Variants in THSD7A observed in about 807,000 individuals in gnomAD.
THSD7A encodes the protein thrombospondin type-1 domain-containing protein 7A.
Under a neutral mutation model 231.3 loss-of-function variants are expected in THSD7A, and 96 were observed. The ratio of observed to expected loss-of-function variants is 0.41; its 90% CI spans 0.35 to 0.49. The LOEUF (loss-of-function observed/expected upper bound fraction) is 0.49. THSD7A is among the 20% of genes least tolerant of loss of function. The probability of loss-of-function intolerance (pLI) is 0.05; values close to 1 mark genes in which losing one functional copy is unlikely to be tolerated. For synonymous variants in THSD7A, 940 were observed against 743.3 expected (o/e 1.26, Z -4.30); for missense variants, 2,290 against 2,070.2 (o/e 1.11, Z -2.06).
intron 4 of THSD7A, among the ~76,000 whole-genome samples, chr7:11,585,144 T>C (rs899568788): frequency 2.6e-5 from 4 of 152,188 alleles, no homozygotes; most frequent in Non-Finnish European, 5.9e-5. Flanking sequence ...GTCTCATCAG[T>C]AAGCTGTTTC....
In THSD7A at chr7:11,740,833, T is replaced by C. The variant is rs530383033; in HGVS notation, c.190+90924A>G. 3.9e-5 allele frequency among the ~76,000 whole-genome samples: 6 copies of C among 152,174 alleles called. No individual in the cohort carries two copies. The South Asian group carries it at 1.0e-3, about 26-fold the overall frequency. The stretch of plus-strand genomic sequence containing the variant: ...CCTAGAACACAAACTACATCACTTC[T>C]GGAAATTTACTTGTCTTGTTCCATA... On this transcript the variant is annotated intron_variant, in intron 1 of 27. Coordinates refer to ENST00000423059, the MANE Select transcript of THSD7A (RefSeq NM_015204.3).
intron 2 of THSD7A, among the ~76,000 whole-genome samples, chr7:11,611,542 A>C (rs1331141927): frequency 2.0e-5 from 3 of 151,888 alleles, no homozygotes; most frequent in Non-Finnish European, 4.4e-5. Flanking sequence ...TATTAATAAT[A>C]CCTATCATCA....
intron 4 of THSD7A, among the ~76,000 whole-genome samples, chr7:11,550,574 T>A (rs994110364): frequency 6.6e-6 from 1 of 152,174 alleles, no homozygotes; most frequent in African/African-American, 2.4e-5. Context: ...CCTGCCATCT[T>A]GTGAAGAAGG....
intron 6 of THSD7A, 125 bp from the exon 7 acceptor site, chr7:11,482,107 C>T: frequency 9.5e-7 from 1 of 1,051,568 alleles, no homozygotes; most frequent in Non-Finnish European, 1.3e-6. Flanking sequence ...AAAAACGTAG[C>T]CAAAAGAGGG....
chr7:11,469,678 G>T (rs775613990), intron 9 of THSD7A, among the ~76,000 whole-genome samples: 2 of 152,048 alleles, frequency 1.3e-5, no homozygotes, highest in Admixed American at 1.3e-4. Context: ...TTCAAGCCAG[G>T]TTTTGGCATA....
chr7:11,520,901 A>G (rs887295020), intron 6 of THSD7A, among the ~76,000 whole-genome samples: 2 of 152,184 alleles, frequency 1.3e-5, no homozygotes, highest in African/African-American at 2.4e-5. Context: ...AGGTGGTGAA[A>G]TCAATTTTAG....
chr7:11,674,012 C>G (rs189481264), intron 1 of THSD7A, among the ~76,000 whole-genome samples: 1 of 151,874 alleles, frequency 6.6e-6, no homozygotes, highest in Admixed American at 6.6e-5. Flanking sequence ...ATCACCAGAC[C>G]ACCTGCAGAC....
chr7:11,395,932 TAACA>T (rs200962090), intron 23 of THSD7A, among the ~76,000 whole-genome samples: 3,868 of 152,200 alleles, frequency 0.025, 156 homozygotes, highest in African/African-American at 0.083. Context: ...ACAGAAATCA[TAACA>T]AACAGTCTCT....
At chr7:11,755,647 G>A (rs1782649034) in intron 1 of THSD7A, among the ~76,000 whole-genome samples, 1 of 152,054 alleles carries the variant, frequency 6.6e-6, no homozygotes, top group Non-Finnish European at 1.5e-5. Flanking sequence ...GACCAAAAAT[G>A]CCAGCTGGAA....
intron 4 of THSD7A, among the ~76,000 whole-genome samples, chr7:11,567,417 C>T (rs1245615149): frequency 6.6e-6 from 1 of 152,156 alleles, no homozygotes; most frequent in Non-Finnish European, 1.5e-5. Context: ...TGGTTTCTTC[C>T]TTCATATATG....
intron 1 of THSD7A, among the ~76,000 whole-genome samples, chr7:11,798,771 C>G (rs1784197517): frequency 6.6e-6 from 1 of 152,012 alleles, no homozygotes; most frequent in Admixed American, 6.6e-5. Context: ...TGACACCATG[C>G]AGATATATTA....
intron 1 of THSD7A, among the ~76,000 whole-genome samples, chr7:11,801,759 C>T (rs1241583308): frequency 2.6e-5 from 4 of 152,032 alleles, no homozygotes; most frequent in Non-Finnish European, 5.9e-5. Flanking sequence ...ATCTGTATGT[C>T]GTAATCATGT....
intron 1 of THSD7A, among the ~76,000 whole-genome samples, chr7:11,816,980 G>C (rs1325922685): frequency 1.3e-5 from 2 of 152,120 alleles, no homozygotes; most frequent in Admixed American, 6.6e-5. Flanking sequence ...TTGTGATTCT[G>C]TCAGAAGTTT....
intron 6 of THSD7A, among the ~76,000 whole-genome samples, chr7:11,521,837 G>A (rs1331160299): frequency 6.6e-6 from 1 of 151,898 alleles, no homozygotes; most frequent in African/African-American, 2.4e-5. Flanking sequence ...TACCCTTTCT[G>A]ATAGTGCCTT....
chr7:11,407,433 C>G lies in THSD7A; in HGVS notation c.3799-10G>C. On this transcript the variant is annotated splice_polypyrimidine_tract_variant and intron_variant, in intron 19 of 27. Transcript: ENST00000423059. ...TCTTCTCCAAGCCAAGCTGGAAGAA[C>G]AGAGGTAGATCAGGATGTATATTGT... 6.2e-7 allele frequency: 1 copy of G among 1,600,986 alleles called. No individual in the cohort carries two copies.
chr7:11,380,400 A>G (rs1782463866), intron 24 of THSD7A, among the ~76,000 whole-genome samples: 1 of 152,134 alleles, frequency 6.6e-6, no homozygotes, highest in Non-Finnish European at 1.5e-5. Context: ...ACGTGAAGGA[A>G]GCTCCTATTT....
At chr7:11,498,944 C>T (rs1010965384) in intron 6 of THSD7A, among the ~76,000 whole-genome samples, 32 of 152,198 alleles carry the variant, frequency 2.1e-4, no homozygotes, top group African/African-American at 7.5e-4. Flanking sequence ...CCTCACTGGG[C>T]AGGTCCTCCA....
In THSD7A at chr7:11,768,475, T is replaced by A. The variant is rs949127122; in HGVS notation, c.190+63282A>T. Among the ~76,000 whole-genome samples the A allele has an allele frequency of 2.6e-5, 4 of 152,270 alleles. No homozygotes were observed. In the East Asian group the frequency reaches 7.7e-4, roughly 29 times the overall value. On this transcript the variant is annotated intron_variant, in intron 1 of 27. Coordinates refer to ENST00000423059, the MANE Select transcript of THSD7A (RefSeq NM_015204.3). ...TCGACAGAGATAGGAATCTTGAGGT[T>A]GAAAGTCATGAGACTGAAAGCCTCT... is the stretch of plus-strand genomic sequence containing the variant.
chr7:11,524,162 T>C (rs1164240456), intron 6 of THSD7A, among the ~76,000 whole-genome samples: 1 of 152,178 alleles, frequency 6.6e-6, no homozygotes, highest in African/African-American at 2.4e-5. Flanking sequence ...TATTTCTTCT[T>C]ACATGAATTG....
Sources: allele counts gnomAD v4.1 joint callset (sites outside exome capture counted in the v4.1 genomes callset), GRCh38; gene constraint gnomAD v4.1.1; transcripts MANE v1.5; gene names NCBI Gene and HGNC (gene_info 2026-07-23, HGNC 2026-07-21).